ANO4: variants seen among roughly 807,000 people sequenced by gnomAD.
The protein encoded by ANO4 is anoctamin-4.
In ANO4, 69 loss-of-function variants were observed where a neutral mutation model predicts 141.9. The ratio of observed to expected loss-of-function variants is 0.49; its 90% CI spans 0.40 to 0.59. ANO4 has a LOEUF of 0.59. Among genes scored for constraint, ANO4 ranks in the 20% least tolerant of loss-of-function variants. ANO4 has a pLI of 0.00. For missense variants in ANO4, 894 were observed against 1,162.2 expected (o/e 0.77, Z 3.36); for synonymous variants, 350 against 394.3 (o/e 0.89, Z 1.33).
At chr12:100,827,363 A>C (rs2036406537) in intron 1 of ANO4, among the ~76,000 whole-genome samples, 1 of 152,066 alleles carries the variant, frequency 6.6e-6, no homozygotes, top group Non-Finnish European at 1.5e-5. Flanking sequence ...TTATTTAAAA[A>C]TATCTTTTTC....
At chr12:101,040,756 C>G (rs1044774162) in intron 11 of ANO4, among the ~76,000 whole-genome samples, 1 of 150,938 alleles carries the variant, frequency 6.6e-6, no homozygotes, top group African/African-American at 2.4e-5. Context: ...CCTCCCCTAG[C>G]CCCCCACCCC....
At chr12:100,941,335 T>G (rs2042502106) in intron 4 of ANO4, among the ~76,000 whole-genome samples, 1 of 152,172 alleles carries the variant, frequency 6.6e-6, no homozygotes, top group Admixed American at 6.5e-5. Context: ...TGTTTTATTC[T>G]CTTGCTCTAA....
At chr12:101,108,336 G>T (rs148032894) in intron 22 of ANO4, among the ~76,000 whole-genome samples, 395 of 152,270 alleles carry the variant, frequency 2.6e-3, no homozygotes, top group Middle Eastern at 0.01. Flanking sequence ...CCTGGAGGTG[G>T]CAGTGTAACC....
chr12:101,051,720 C>CT (rs2047880844), intron 14 of ANO4, among the ~76,000 whole-genome samples: 2 of 152,172 alleles, frequency 1.3e-5, no homozygotes, highest in Non-Finnish European at 2.9e-5. Context: ...AAGGAAACTG[C>CT]AGCAGTAGCT....
chr12:100,717,440 C>CGCCGG (rs935806974), upstream of ANO4: 8 of 393,872 alleles, frequency 2.0e-5, no homozygotes, highest in South Asian at 1.3e-4. Context: ...CGCATGCACT[C>CGCCGG]GCCGGGCCGG....
At chr12:101,070,987 AAAATGGTTTTTATCC>A (rs2048786037) in intron 14 of ANO4, among the ~76,000 whole-genome samples, 1 of 152,194 alleles carries the variant, frequency 6.6e-6, no homozygotes, top group Admixed American at 6.5e-5. Flanking sequence ...CTCCACAGTT[AAAATGGTTTTTATCC>A]AAAAGTCTGG....
intron 8 of ANO4, among the ~76,000 whole-genome samples, chr12:101,011,095 G>A (rs137973490): frequency 7.9e-5 from 12 of 152,214 alleles, no homozygotes; most frequent in Admixed American, 2.0e-4. Context: ...AAAGAGGCTC[G>A]TTTGGGCTTC....
intron 1 of ANO4, among the ~76,000 whole-genome samples, chr12:100,865,837 G>A (rs534688105): frequency 6.6e-6 from 1 of 152,258 alleles, no homozygotes; most frequent in East Asian, 1.9e-4. Context: ...AGTAAATGAA[G>A]CTCTGTTTAT....
chr12:100,787,716 G>A (rs1344921197), intron 3 of ANO4, among the ~76,000 whole-genome samples: 1 of 152,184 alleles, frequency 6.6e-6, no homozygotes. Flanking sequence ...ATGGGTTAAA[G>A]TGAGGATGGC....
intron 1 of ANO4, among the ~76,000 whole-genome samples, chr12:100,841,541 G>T (rs569113309): frequency 6.6e-6 from 1 of 152,222 alleles, no homozygotes; most frequent in East Asian, 1.9e-4. Context: ...TGAATAGGGG[G>T]TTGCAAGCTA....
At chr12:100,929,403 A>G (rs1342429071) in intron 3 of ANO4, among the ~76,000 whole-genome samples, 1 of 152,168 alleles carries the variant, frequency 6.6e-6, no homozygotes, top group Non-Finnish European at 1.5e-5. Context: ...TTCACTTAAC[A>G]TAATGACCTC....
At chr12:100,854,891 GA>G (rs2038082935) in intron 1 of ANO4, among the ~76,000 whole-genome samples, 3 of 152,134 alleles carry the variant, frequency 2.0e-5, no homozygotes, top group Non-Finnish European at 4.4e-5. Flanking sequence ...TTGAGGAGGG[GA>G]TTCCATGTGT....
intron 8 of ANO4, among the ~76,000 whole-genome samples, chr12:101,011,718 G>T (rs2046102345): frequency 2.6e-5 from 4 of 152,074 alleles, no homozygotes; most frequent in Admixed American, 2.6e-4. Flanking sequence ...CATGCTTCAG[G>T]CTCCTTCACT....
intron 8 of ANO4, among the ~76,000 whole-genome samples, chr12:100,995,195 G>T (rs1013168185): frequency 3.9e-5 from 6 of 152,160 alleles, no homozygotes; most frequent in African/African-American, 1.4e-4. Flanking sequence ...CAGTGTTTCA[G>T]TTCTTCAAGG....
chr12:101,086,839 G>A lies in ANO4; in HGVS notation c.1701+15G>A. The A allele has an allele frequency of 6.2e-7, 1 of 1,610,210 alleles. No individual in the cohort carries two copies. The highest frequency in any genetic ancestry group is 1.1e-5 in the South Asian group (1 of 90,854). On this transcript the variant is annotated intron_variant, in intron 17 of 27. Transcript: ENST00000392977. Reference sequence around the variant, plus strand: ...TGCTGAATGTGGTAAGTGAGCTGCAGTGGCTAGCCAAACGGATCAAAATGT... The same window carrying A: ...TGCTGAATGTGGTAAGTGAGCTGCAATGGCTAGCCAAACGGATCAAAATGT...
intron 3 of ANO4, among the ~76,000 whole-genome samples, chr12:100,761,597 G>A (rs2175995): frequency 0.59 from 89,947 of 152,024 alleles, 27,554 homozygotes; most frequent in African/African-American, 0.7. Flanking sequence ...TTTATTGGCC[G>A]TGTAGGTACC....
upstream of ANO4, among the ~76,000 whole-genome samples, chr12:100,792,640 A>AT (rs1470336786): frequency 5.3e-5 from 8 of 152,176 alleles, no homozygotes; most frequent in African/African-American, 1.9e-4. Flanking sequence ...TGGAATACCT[A>AT]TTTTTATTGA....
intron 3 of ANO4, among the ~76,000 whole-genome samples, chr12:100,765,113 G>A (rs761255233): frequency 6.6e-6 from 1 of 152,118 alleles, no homozygotes; most frequent in African/African-American, 2.4e-5. Context: ...GGAAGGTTTC[G>A]ATTGCTGATT....
chr12:100,881,610 ATTG>A (rs1244782353), intron 1 of ANO4, among the ~76,000 whole-genome samples: 1 of 152,146 alleles, frequency 6.6e-6, no homozygotes, highest in South Asian at 2.1e-4. Flanking sequence ...TGCTGCCGAA[ATTG>A]TTGTGTGATC....
Sources: gnomAD v4.1 joint callset for allele counts (sites outside exome capture counted in the v4.1 genomes callset) on GRCh38, gnomAD v4.1.1 for gene constraint, MANE v1.5 for transcripts, NCBI Gene and HGNC (gene_info 2026-07-23, HGNC 2026-07-21) for gene names.